The following NCALD variants were observed in gnomAD, a reference collection of about 807,000 sequenced individuals.
NCALD encodes the protein neurocalcin delta.
A neutral mutation model predicts 18.6 loss-of-function variants in NCALD; 10 were observed. The observed-to-expected ratio is 0.54, with a 90% CI of 0.33 to 0.91. The LOEUF (loss-of-function observed/expected upper bound fraction) is 0.91. Ranked by LOEUF, NCALD falls within the 40% of genes least tolerant of loss-of-function variation. The pLI is 0.03. For synonymous variants in NCALD, 88 were observed against 87.4 expected (o/e 1.01, Z -0.04); for missense variants, 184 against 247.6 (o/e 0.74, Z 1.72).
chr8:101,975,417 G>A (rs6999316), intron 2 of NCALD: 57,955 of 151,850 alleles, frequency 0.38, 11,237 homozygotes, highest in South Asian at 0.45. Flanking sequence ...GTGTGGTCAT[G>A]GATTTGCATG....
intron 1 of NCALD, among the ~76,000 whole-genome samples, chr8:101,751,829 T>G (rs12543380): frequency 0.62 from 94,446 of 152,120 alleles, 31,855 homozygotes; most frequent in Non-Finnish European, 0.75. Flanking sequence ...GACTCAGCTT[T>G]CAAAGGCTGC....
intron 1 of NCALD, among the ~76,000 whole-genome samples, chr8:102,105,193 C>T (rs1436489733): frequency 6.6e-6 from 1 of 151,926 alleles, no homozygotes; most frequent in African/African-American, 2.4e-5. Context: ...TCATTTGTAA[C>T]CTAAAGAGAT....
chr8:101,754,275 A>G (rs752230094), intron 1 of NCALD, among the ~76,000 whole-genome samples: 7 of 152,214 alleles, frequency 4.6e-5, no homozygotes, highest in Non-Finnish European at 8.8e-5. Flanking sequence ...TGTTTCCTAT[A>G]CAAAATCTGA....
chr8:101,920,719 ACTACTAGAG>A (rs1818133231), intron 2 of NCALD, among the ~76,000 whole-genome samples: 2 of 152,150 alleles, frequency 1.3e-5, no homozygotes, highest in Non-Finnish European at 2.9e-5. Flanking sequence ...GACAGCAGGG[ACTACTAGAG>A]GAGAGAGGGA....
At chr8:101,705,732 A>G (rs1258251580) in intron 2 of NCALD, among the ~76,000 whole-genome samples, 1 of 152,192 alleles carries the variant, frequency 6.6e-6, no homozygotes, top group Non-Finnish European at 1.5e-5. Flanking sequence ...GGCCACCCCA[A>G]AGCCACCATG....
intron 1 of NCALD, among the ~76,000 whole-genome samples, chr8:102,034,227 CT>C (rs1394338939): frequency 1.3e-5 from 2 of 152,104 alleles, no homozygotes; most frequent in Non-Finnish European, 2.9e-5. Flanking sequence ...ACAATTTAGT[CT>C]TTTAAGTTAC....
At chr8:101,735,000 C>T (rs1817010547) in intron 1 of NCALD, among the ~76,000 whole-genome samples, 1 of 151,708 alleles carries the variant, frequency 6.6e-6, no homozygotes, top group African/African-American at 2.4e-5. Context: ...TTAGGAGGTG[C>T]CCCAAAAAGC....
intron 1 of NCALD, among the ~76,000 whole-genome samples, chr8:102,074,451 A>G (rs1469299468): frequency 6.6e-6 from 1 of 152,190 alleles, no homozygotes; most frequent in Non-Finnish European, 1.5e-5. Flanking sequence ...CCCAGTCTTT[A>G]TCTCAGAAGT....
At chr8:101,995,300 T>C (rs567570959) in intron 2 of NCALD, among the ~76,000 whole-genome samples, 1 of 152,322 alleles carries the variant, frequency 6.6e-6, no homozygotes, top group East Asian at 1.9e-4. Context: ...AGCCATGACA[T>C]GCAAAACAAA....
intron 4 of NCALD, among the ~76,000 whole-genome samples, chr8:101,865,399 G>A (rs1041709830): frequency 6.6e-6 from 1 of 152,166 alleles, no homozygotes; most frequent in Non-Finnish European, 1.5e-5. Flanking sequence ...CTGTCCTAGG[G>A]GAGAAGGAGT....
chr8:102,036,160 A>AATTT (rs916850462), intron 1 of NCALD, among the ~76,000 whole-genome samples: 1 of 151,824 alleles, frequency 6.6e-6, no homozygotes, highest in African/African-American at 2.4e-5. Flanking sequence ...TTAATTAATT[A>AATTT]AATTAGCCAG....
chr8:101,699,251 T>A (rs1181899077), intron 2 of NCALD, among the ~76,000 whole-genome samples: 1 of 152,178 alleles, frequency 6.6e-6, no homozygotes, highest in African/African-American at 2.4e-5. Flanking sequence ...TATTAAAAAG[T>A]CAAGAAACAA....
intron 3 of NCALD, among the ~76,000 whole-genome samples, chr8:101,905,684 TA>T (rs1258981068): frequency 6.6e-6 from 1 of 152,220 alleles, no homozygotes; most frequent in Non-Finnish European, 1.5e-5. Context: ...ACTCCCTCGA[TA>T]AAGGAAGCTT....
intron 1 of NCALD, among the ~76,000 whole-genome samples, chr8:101,738,237 G>A (rs1336581425): frequency 1.3e-5 from 2 of 152,060 alleles, no homozygotes; most frequent in African/African-American, 4.8e-5. Context: ...CTACAAAGCT[G>A]GCAAACAATA....
intron 3 of NCALD, among the ~76,000 whole-genome samples, chr8:101,891,821 G>A (rs931341510): frequency 2.6e-5 from 4 of 152,142 alleles, no homozygotes; most frequent in African/African-American, 9.7e-5. Context: ...AAAAAACGGA[G>A]CACCACGAGA....
At chr8:101,818,213 A>G (rs1172071102) in intron 4 of NCALD, among the ~76,000 whole-genome samples, 2 of 152,176 alleles carry the variant, frequency 1.3e-5, no homozygotes, top group Admixed American at 6.5e-5. Context: ...CATTTTTCTC[A>G]GGCTCTCTTC....
intron 4 of NCALD, among the ~76,000 whole-genome samples, chr8:101,841,900 G>T (rs1814657134): frequency 1.3e-5 from 2 of 151,970 alleles, no homozygotes; most frequent in South Asian, 4.2e-4. Context: ...CACAAATAAA[G>T]AAAAAGAAAG....
chr8:101,742,691 T>C lies in NCALD; in HGVS notation c.-19-23043A>G, dbSNP rs202230712. Among the ~76,000 whole-genome samples the C allele has an allele frequency of 3.9e-5, 6 of 152,298 alleles. No homozygotes were observed. The East Asian group carries it at 1.2e-3, about 29-fold the overall frequency. ...TTTTTTTTAAGTTTAGGTTCCAGGA[T>C]ACGGTACAGAACGTGCAGGTAGGTT... On this transcript the variant is annotated intron_variant, in intron 1 of 3. Transcript: ENST00000220931.
At chr8:101,707,720 T>C (rs1815594345) in intron 2 of NCALD, among the ~76,000 whole-genome samples, 1 of 152,114 alleles carries the variant, frequency 6.6e-6, no homozygotes, top group South Asian at 2.1e-4. Context: ...AACAGATATG[T>C]AGCTGGGCAT....
Sources: allele counts gnomAD v4.1 joint callset (sites outside exome capture counted in the v4.1 genomes callset), GRCh38; gene constraint gnomAD v4.1.1; transcripts MANE v1.5; gene names NCBI Gene and HGNC (gene_info 2026-07-23, HGNC 2026-07-21).